Variants in PADI1 observed in about 807,000 individuals in gnomAD.
PADI1 encodes protein-arginine deiminase type-1.
Under a neutral mutation model 74.8 loss-of-function variants are expected in PADI1, and 65 were observed. The observed-to-expected ratio is 0.87, with a 90% CI of 0.71 to 1.07. The LOEUF (loss-of-function observed/expected upper bound fraction) is 1.07. Ranked by LOEUF, PADI1 falls within the 50% of genes least tolerant of loss-of-function variation. The pLI is 0.00. For synonymous variants in PADI1, 371 were observed against 336.2 expected, an observed-to-expected ratio of 1.10 and a Z score of -1.13; for missense variants, 943 against 854.0, an observed-to-expected ratio of 1.10 and a Z score of -1.30.
At chr1:17,207,521 C>T (rs979892071) in intron 1 of PADI1, among the ~76,000 whole-genome samples, 4 of 152,244 alleles carry the variant, frequency 2.6e-5, no homozygotes, top group African/African-American at 7.2e-5. Flanking sequence ...CCTGGCAGTG[C>T]GCACAGCTCT....
chr1:17,239,593 C>A, intron 13 of PADI1, 111 bp from the exon 14 acceptor site: 2 of 785,338 alleles, frequency 2.5e-6, no homozygotes, highest in East Asian at 2.7e-5. Context: ...TGGCTTCTGA[C>A]CCTGGCACTG....
chr1:17,213,602 G>A (rs955356841), intron 1 of PADI1, among the ~76,000 whole-genome samples: 1 of 152,176 alleles, frequency 6.6e-6, no homozygotes, highest in African/African-American at 2.4e-5. Context: ...ATTACCCTGT[G>A]ACAAGTAACA....
At chr1:17,230,501 G>GTTCT (rs2072458649) in intron 9 of PADI1, 71 bp from the exon 10 acceptor site, 1 of 1,080,372 alleles carries the variant, frequency 9.3e-7, no homozygotes, top group African/African-American at 1.6e-5. Context: ...CCCCAGGCCT[G>GTTCT]GTGGGGACCA....
intron 11 of PADI1, among the ~76,000 whole-genome samples, chr1:17,233,342 A>G (rs4920359): frequency 0.4 from 61,304 of 152,092 alleles, 13,010 homozygotes; most frequent in African/African-American, 0.53. Flanking sequence ...GAATAGACTC[A>G]TTGACTTCTC....
chr1:17,241,293 C>T (rs754510897), intron 15 of PADI1, among the ~76,000 whole-genome samples: 2 of 152,206 alleles, frequency 1.3e-5, no homozygotes, highest in Non-Finnish European at 2.9e-5. Flanking sequence ...AGGGCCTGAG[C>T]GATGCTATCG....
At chr1:17,230,366 T>C (rs1186403680) in intron 9 of PADI1, among the ~76,000 whole-genome samples, 158 bp downstream of exon 9, 2 of 152,162 alleles carry the variant, frequency 1.3e-5, no homozygotes, top group Non-Finnish European at 2.9e-5. Context: ...AGCCCCAGCC[T>C]CCACTGCTTC....
At chr1:17,225,663 C>T (rs2072286639) in intron 4 of PADI1, 148 bp from the exon 5 acceptor site, 1 of 643,856 alleles carries the variant, frequency 1.6e-6, no homozygotes, top group East Asian at 2.7e-5. Flanking sequence ...GAACTCCATT[C>T]CCCAAATAAT....
chr1:17,219,843 G>A (rs1236021309), intron 1 of PADI1, among the ~76,000 whole-genome samples: 2 of 152,100 alleles, frequency 1.3e-5, no homozygotes, highest in Non-Finnish European at 2.9e-5. Flanking sequence ...CAGTCACCAG[G>A]GAGATGGCTG....
intron 1 of PADI1, among the ~76,000 whole-genome samples, chr1:17,214,110 G>A (rs975468194): frequency 6.6e-6 from 1 of 152,196 alleles, no homozygotes; most frequent in African/African-American, 2.4e-5. Flanking sequence ...TCTGAGAAGA[G>A]TAATTGTAAC....
intron 1 of PADI1, among the ~76,000 whole-genome samples, chr1:17,217,642 T>C (rs12096884): frequency 0.012 from 1,864 of 152,390 alleles, 39 homozygotes; most frequent in African/African-American, 0.041. Flanking sequence ...ATTATTTTAC[T>C]GCATTTTACC....
At chr1:17,212,290 C>T (rs979032326) in intron 1 of PADI1, among the ~76,000 whole-genome samples, 1 of 152,210 alleles carries the variant, frequency 6.6e-6, no homozygotes, top group African/African-American at 2.4e-5. Context: ...CAGATCCTGG[C>T]CAGGCGTGCA....
chr1:17,213,763 C>A (rs2071896998), intron 1 of PADI1, among the ~76,000 whole-genome samples: 1 of 152,194 alleles, frequency 6.6e-6, no homozygotes. Flanking sequence ...CTGCCTTATG[C>A]CATAACCAGT....
At chr1:17,217,887 A>T (rs958750408) in intron 1 of PADI1, among the ~76,000 whole-genome samples, 1 of 152,228 alleles carries the variant, frequency 6.6e-6, no homozygotes, top group African/African-American at 2.4e-5. Flanking sequence ...TTAAAAGTGT[A>T]TTGCGTCTAT....
chr1:17,230,538 G>T (rs1205806589), intron 9 of PADI1, 34 bp from the exon 10 acceptor site: 17 of 1,470,462 alleles, frequency 1.2e-5, no homozygotes, highest in East Asian at 4.6e-5. Context: ...ACCCGAAAAA[G>T]GTCACTGTGG....
Position 17,244,518 on chromosome 1 carries a change from C to T in PADI1, c.*275C>T, listed in dbSNP as rs2072845242. ...TCTAGATCAACAATGTTAGCATGTT[C>T]CAGAATGGCTGTGGGAGGCCTAGGG... is the stretch of plus-strand genomic sequence containing the variant. On this transcript the variant is annotated 3_prime_UTR_variant, in exon 16 of 16. Transcript: ENST00000375471. 3.7e-6 allele frequency: 2 copies of T among 546,288 alleles called. No individual in the cohort carries two copies. Among genetic ancestry groups the T allele is most frequent in the Admixed American group, 2.2e-5 (1 of 44,904 alleles). 33.8% of individuals were successfully genotyped at this position (546,288 alleles called of 1,614,324 possible).
intron 1 of PADI1, among the ~76,000 whole-genome samples, chr1:17,218,788 T>C (rs12401313): frequency 0.2 from 30,586 of 152,128 alleles, 3,288 homozygotes; most frequent in Admixed American, 0.33. Context: ...GCAAGGCCAG[T>C]GATGCCCTTG....
chr1:17,223,215 CTG>C (rs1248638954), intron 2 of PADI1, among the ~76,000 whole-genome samples: 5 of 152,206 alleles, frequency 3.3e-5, no homozygotes, highest in African/African-American at 7.2e-5. Flanking sequence ...GGACCACTGA[CTG>C]GGGTGATGGA....
At chr1:17,229,632 C>T (rs75060223) in intron 8 of PADI1, among the ~76,000 whole-genome samples, 2,355 of 152,280 alleles carry the variant, frequency 0.015, 22 homozygotes, top group South Asian at 0.039. Context: ...AAGGGTGTGG[C>T]CAAACAGGTT....
At chr1:17,243,859 T>C (rs546866076) in intron 15 of PADI1, 151 bp from the exon 16 acceptor site, 8 of 602,154 alleles carry the variant, frequency 1.3e-5, no homozygotes, top group Admixed American at 9.3e-5. Flanking sequence ...AGGCCCTAAC[T>C]CTTGAGCAAA....
Sources: allele counts gnomAD v4.1 joint callset (sites outside exome capture counted in the v4.1 genomes callset), GRCh38; gene constraint gnomAD v4.1.1; transcripts MANE v1.5; gene names NCBI Gene and HGNC (gene_info 2026-07-23, HGNC 2026-07-21).